EIF2AK4: variants seen among roughly 807,000 people sequenced by gnomAD.
EIF2AK4 encodes the protein eIF-2-alpha kinase GCN2.
In EIF2AK4, 139 loss-of-function variants were observed where a neutral mutation model predicts 211.1. The ratio of observed to expected loss-of-function variants is 0.66; its 90% confidence interval spans 0.57 to 0.76. The LOEUF (loss-of-function observed/expected upper bound fraction) is 0.76, where lower values mean the gene tolerates loss of function less well. Among genes scored for constraint, EIF2AK4 ranks in the 30% least tolerant of loss-of-function variants. The pLI, the probability that EIF2AK4 is intolerant of heterozygous loss-of-function variation, is 0.00. For synonymous variants in EIF2AK4, 710 were observed against 751.3 expected (o/e 0.94, Z 0.90); for missense variants, 1,664 against 2,043.8 (o/e 0.81, Z 3.58).
intron 6 of EIF2AK4, among the ~76,000 whole-genome samples, chr15:39,959,801 C>T (rs1266441192): frequency 6.6e-6 from 1 of 152,192 alleles, no homozygotes; most frequent in Non-Finnish European, 1.5e-5. Context: ...TCCCTAGTTG[C>T]ACACATAACT....
rs1161134551 is a variant in EIF2AK4 at position 40,026,013 on chromosome 15, C to T, written c.4426C>T (p.Arg1476Cys). The T allele has an allele frequency of 1.9e-6, 3 of 1,614,106 alleles. No homozygotes were observed. Among genetic ancestry groups the T allele is most frequent in the Non-Finnish European group, 1.7e-6 (2 of 1,180,010 alleles). Residue 1476 changes from arginine to cysteine, a missense_variant, in exon 33 of 39, where the codon CGT becomes TGT. Around this residue, in one of 7 missense-constraint regions of EIF2AK4, gnomAD observed 16 missense variants for 47.0 expected, o/e 0.34. Transcript: ENST00000263791. ...CGAGAAGGAAAGGCAGACAGAGAAG[C>T]GTGTGCTGGAGACTGAACTTGTGGA... ...SFEKERQTEK[R>C]VLETELVDHV...
chr15:40,029,340 T>C, intron 33 of EIF2AK4, 66 bp from the exon 34 acceptor site: 1 of 1,592,124 alleles, frequency 6.3e-7, no homozygotes, highest in South Asian at 1.1e-5. Context: ...TGTAGTTCAC[T>C]GTAAGTTATG....
At position 39,990,363 on chromosome 15, in the gene EIF2AK4, C is replaced by T. The variant is rs759895388; in HGVS notation, c.2617C>T (p.His873Tyr). 6.2e-7 allele frequency: 1 copy of T among 1,613,894 alleles called. No homozygotes were observed. ...KIGDFGLATD[H>Y]LAFSADSKQD... ...AGGTGATTTTGGTTTGGCGACAGAC[C>T]ATCTAGCCTTTTCTGTAAGTATTTT... The change falls in exon 16 of 39, where the codon CAT becomes TAT. Residue 873 changes from histidine (H) to tyrosine (Y), a missense_variant. Transcript: ENST00000263791.
At chr15:39,971,550 T>C (rs958754270) in intron 9 of EIF2AK4, among the ~76,000 whole-genome samples, 1 of 151,768 alleles carries the variant, frequency 6.6e-6, no homozygotes, top group Non-Finnish European at 1.5e-5. Context: ...TAAAATAAAA[T>C]GAAAATAAAT....
In EIF2AK4 at chr15:39,934,239, C is replaced by T. The variant is rs759887590; in HGVS notation, c.44C>T (p.Pro15Leu). The T allele has an allele frequency of 2.4e-5, 38 of 1,606,162 alleles. No individual in the cohort carries two copies. The highest frequency in any genetic ancestry group is 3.1e-5 in the Non-Finnish European group (36 of 1,176,990). ...GCCCCCGGGCGCGGCCGGGACGAGC[C>T]TCCGGAGAGCTACCCGCAACGACAG... Reference protein sequence around the residue: ...RGAPGRGRDEPPESYPQRQDH... With the variant: ...RGAPGRGRDELPESYPQRQDH... The change falls in exon 1 of 39, where the codon CCT (proline) becomes CTT (leucine). Residue 15 changes from proline to leucine, a missense_variant. This residue lies in a region of EIF2AK4 where 641 missense variants were observed against 729.6 expected (regional missense o/e 0.88). Coordinates refer to ENST00000263791, the MANE Select transcript of EIF2AK4 (RefSeq NM_001013703.4).
Position 39,990,393 on chromosome 15 carries a change from A to G in EIF2AK4, c.2631+16A>G. 1 of 1,601,874 alleles carries G rather than the reference A, an allele frequency of 6.2e-7. No individual in the cohort carries two copies. The highest frequency in any genetic ancestry group is 8.6e-7 in the Non-Finnish European group (1 of 1,169,208). On this transcript the variant is annotated intron_variant, in intron 16 of 38. Coordinates refer to ENST00000263791, the MANE Select transcript of EIF2AK4 (RefSeq NM_001013703.4). The stretch of plus-strand genomic sequence containing the variant: ...AGCCTTTTCTGTAAGTATTTTAAAA[A>G]TTAGACTGTACCTAAAAACAGACTC...
At position 39,943,573 on chromosome 15, in the gene EIF2AK4, T is replaced by A. The variant is rs2034179348; in HGVS notation, c.360+88T>A. ...AATTTTGAGTAGCATGTTTTGTGTT[T>A]TATTGGTTCTACAAAAGGGAACATT... On this transcript the variant is annotated intron_variant, in intron 3 of 38. Transcript: ENST00000263791. The A allele has an allele frequency of 9.8e-6, 10 of 1,023,540 alleles. 1 individual carries two copies. Among genetic ancestry groups the A allele is most frequent in the Middle Eastern group, 2.6e-4 (1 of 3,908 alleles). 63.4% of individuals were successfully genotyped at this position (1,023,540 alleles called of 1,614,324 possible).
chr15:39,935,357 G>C (rs1363262776), intron 1 of EIF2AK4, among the ~76,000 whole-genome samples: 1 of 125,424 alleles, frequency 8.0e-6, no homozygotes. Flanking sequence ...TTTTCTTTTT[G>C]AGACAGGGTC....
At chr15:39,974,423 C>T (rs2034666050) in intron 11 of EIF2AK4, 3 of 152,086 alleles carry the variant, frequency 2.0e-5, no homozygotes, top group African/African-American at 7.2e-5. Context: ...GAAGGTAACC[C>T]ACCATCAACT....
chr15:39,967,318 C>CTTTTTTTTTTTTTT (rs33911018), intron 8 of EIF2AK4, 26 bp from the exon 9 acceptor site: 1 of 1,296,922 alleles, frequency 7.7e-7, no homozygotes. Flanking sequence ...GCCCAATATT[C>CTTTTTTTTTTTTTT]TTTTTTTTTT....
At chr15:40,029,494 A>T (rs772242970) in intron 34 of EIF2AK4, 30 bp downstream of exon 34, 3 of 1,604,512 alleles carry the variant, frequency 1.9e-6, no homozygotes, top group Non-Finnish European at 2.6e-6. Context: ...TCTGAACATA[A>T]TGATGCTTAT....
intron 1 of EIF2AK4, among the ~76,000 whole-genome samples, chr15:39,938,905 C>T (rs1399776583): frequency 6.6e-6 from 1 of 152,176 alleles, no homozygotes; most frequent in Non-Finnish European, 1.5e-5. Context: ...AAAAGTGTAT[C>T]TAAATTGAAG....
chr15:40,022,982 C>T (rs1296100300), intron 32 of EIF2AK4, among the ~76,000 whole-genome samples: 1 of 152,182 alleles, frequency 6.6e-6, no homozygotes, highest in Non-Finnish European at 1.5e-5. Context: ...CCGCCTCGGC[C>T]TCCCAAAGTG....
chr15:40,010,131 G>A (rs755023928), intron 26 of EIF2AK4, among the ~76,000 whole-genome samples: 2 of 152,164 alleles, frequency 1.3e-5, no homozygotes, highest in African/African-American at 4.8e-5. Flanking sequence ...ACTGAGCCCC[G>A]CTCTGTGAGC....
chr15:39,961,102 C>T (rs1389652671), intron 6 of EIF2AK4, among the ~76,000 whole-genome samples: 3 of 151,892 alleles, frequency 2.0e-5, no homozygotes, highest in Admixed American at 2.0e-4. Context: ...CTTGCTCCCA[C>T]CAGAAAAAAA....
At chr15:40,031,448 G>A (rs775563262) in intron 35 of EIF2AK4, among the ~76,000 whole-genome samples, 8 of 151,928 alleles carry the variant, frequency 5.3e-5, no homozygotes, top group Non-Finnish European at 7.4e-5. Flanking sequence ...TATTTTTCCC[G>A]TCTTCCTACT....
intron 9 of EIF2AK4, among the ~76,000 whole-genome samples, chr15:39,971,774 A>G (rs968138582): frequency 6.6e-6 from 1 of 152,196 alleles, no homozygotes; most frequent in Non-Finnish European, 1.5e-5. Context: ...CAGTTTAACT[A>G]CTTAGACTTT....
In EIF2AK4 at chr15:39,967,862, T is replaced by G. The variant is rs2034566908; in HGVS notation, c.1536T>G (p.Phe512Leu). ...VTIPSDLPAD[F>L]QDFLKKCVCL... The stretch of plus-strand genomic sequence containing the variant: ...TCCCTAGTGACTTACCAGCTGACTT[T>G]CAAGATTTTCTAAAGAAGTGAGTAT... Residue 512 changes from phenylalanine to leucine, a missense_variant, in exon 9 of 39, where the codon TTT becomes TTG. Physicochemically the swap from Phe to Leu is conservative, Grantham distance 22. This residue lies in a region of EIF2AK4 where 641 missense variants were observed against 729.6 expected (regional missense o/e 0.88). Transcript: ENST00000263791. The G allele has an allele frequency of 1.2e-6, 2 of 1,613,658 alleles. No homozygotes were observed. The highest frequency in any genetic ancestry group is 2.7e-5 in the African/African-American group (2 of 74,906).
At chr15:40,004,345 ACTGT>A (rs988813896) in intron 23 of EIF2AK4, among the ~76,000 whole-genome samples, 5 of 152,044 alleles carry the variant, frequency 3.3e-5, no homozygotes, top group Non-Finnish European at 4.4e-5. Flanking sequence ...GTAGTCAAAA[ACTGT>A]CTGTCTGTTT....
Sources: gnomAD v4.1 joint callset for allele counts (sites outside exome capture counted in the v4.1 genomes callset) on GRCh38, gnomAD v4.1.1 for gene constraint, gnomAD v4.1.1 regional missense constraint, MANE v1.5 for transcripts, NCBI Gene and HGNC (gene_info 2026-07-23, HGNC 2026-07-21) for gene names.